Variants in OBSL1 observed in about 807,000 individuals in gnomAD.
OBSL1 encodes obscurin-like protein 1.
OBSL1 carries 160 observed loss-of-function variants against 172.0 expected under a neutral mutation model. The observed-to-expected ratio is 0.93, with a 90% CI of 0.82 to 1.06. The LOEUF (loss-of-function observed/expected upper bound fraction) is 1.06. Ranked by LOEUF, OBSL1 falls within the 50% of genes least tolerant of loss-of-function variation. The pLI is 0.00. For synonymous variants in OBSL1, 1,200 were observed against 1,196.3 expected (o/e 1.00, Z -0.06); for missense variants, 2,681 against 2,715.4 (o/e 0.99, Z 0.28).
rs1441426575 is a variant in OBSL1, at chr2:219,571,043, C to G, written c.190G>C (p.Gly64Arg). The change falls in exon 1 of 21, where the codon GGC becomes CGC. Residue 64 changes from glycine to arginine, a missense_variant. Transcript: ENST00000404537. ...ASERLSFPAD[G>R]AEHGLLLTAA... ...GTCAGCAGCAGGCCGTGCTCCGCGC[C>G]GTCCGCCGGGAAGCTCAGGCGTTCC... is the stretch of plus-strand genomic sequence containing the variant. 6.9e-7 allele frequency: 1 copy of G among 1,458,668 alleles called. No homozygotes were observed. The allele number at this position is 1,458,668 out of a possible 1,614,324, so 90.4% of individuals were successfully genotyped here.
At chr2:219,553,107 T>A in intron 16 of OBSL1, 83 bp from the exon 17 acceptor site, 1 of 1,401,534 alleles carries the variant, frequency 7.1e-7, no homozygotes, top group Non-Finnish European at 9.2e-7. Flanking sequence ...GCACCCTTTG[T>A]TGATGCCAAG....
In OBSL1 at chr2:219,558,427, G is replaced by A. The variant is rs202246881; in HGVS notation, c.3259C>T (p.Arg1087Cys). The A allele has an allele frequency of 9.0e-5, 143 of 1,592,700 alleles. No homozygotes were observed. The highest frequency in any genetic ancestry group is 6.6e-4 in the African/African-American group (49 of 74,492). ...GCCCCAAAATGCAGATCCAGGGAGCGGGCTGCCGGGTGCACAATCCTCTCT... is the reference window on the plus strand; with the variant it reads ...GCCCCAAAATGCAGATCCAGGGAGCAGGCTGCCGGGTGCACAATCCTCTCT... Reference protein sequence around the residue: ...PPERIVHPAARSLDLHFGAPG... With the variant: ...PPERIVHPAACSLDLHFGAPG... Residue 1087 changes from arginine to cysteine, a missense_variant, in exon 10 of 21, where the codon CGC becomes TGC. Physicochemically the swap from Arg to Cys is radical, Grantham distance 180. Around this residue, in one of 5 missense-constraint regions of OBSL1, gnomAD observed 1,765 missense variants for 1,748.3 expected, o/e 1.01. Transcript: ENST00000404537.
rs755252920 is a variant in OBSL1 at position 219,559,477 on chromosome 2, A to G, written c.2974T>C (p.Tyr992His). ...TVTEPPVRII[Y>H]PRDEVTLIAV... The stretch of plus-strand genomic sequence containing the variant: ...ATCAAGGTCACCTCATCGCGAGGGT[A>G]TATGATCCGCACTGGGGGTTCTGCA... The change falls in exon 9 of 21, where the codon TAC becomes CAC. Residue 992 changes from tyrosine (Y) to histidine (H), a missense_variant. By Grantham distance (83) the Tyr-to-His change is moderately conservative. Transcript: ENST00000404537. The G allele has an allele frequency of 5.3e-5, 86 of 1,613,618 alleles. No individual in the cohort carries two copies. The highest frequency in any genetic ancestry group is 7.1e-5 in the Non-Finnish European group (84 of 1,179,712).
Position 219,563,378 on chromosome 2 carries a change from G to C in OBSL1, c.2657C>G (p.Ala886Gly), listed in dbSNP as rs767175802. Reference protein sequence around the residue: ...EFQCVAGDECAYFTVTITDVS... With the variant: ...EFQCVAGDECGYFTVTITDVS... ...ACCTGTGATGGTGACAGTGAAGTAG[G>C]CACACTCATCTCCAGCGACGCACTG... is the stretch of plus-strand genomic sequence containing the variant. The change falls in exon 7 of 21, where the codon GCC (alanine) becomes GGC (glycine). Residue 886 changes from alanine (A) to glycine (G), a missense_variant. Coordinates refer to ENST00000404537, the MANE Select transcript of OBSL1 (RefSeq NM_015311.3). 1.7e-5 allele frequency: 27 copies of C among 1,592,298 alleles called. No homozygotes were observed. The highest frequency in any genetic ancestry group is 2.3e-5 in the Non-Finnish European group (27 of 1,167,302).
intron 5 of OBSL1, among the ~76,000 whole-genome samples, chr2:219,566,466 GA>G (rs1345227073): frequency 2.0e-5 from 3 of 152,190 alleles, no homozygotes; most frequent in African/African-American, 7.2e-5. Flanking sequence ...CTGGCACGTA[GA>G]AAGTTGCGAT....
rs766177183 is a variant in OBSL1, at chr2:219,562,054, G to C, written c.2953+348C>G. 8 of 711,594 alleles carry C rather than the reference G, an allele frequency of 1.1e-5. No homozygotes were observed. In the African/African-American group the frequency reaches 1.4e-4, roughly 12 times the overall value. 44.1% of individuals were successfully genotyped at this position (711,594 alleles called of 1,614,324 possible). ...ATGTGTGGAATGCGCAGGGCCCCAG[G>C]ACTACCCGTTTGCGACCCCTGGTTA... On this transcript the variant is annotated intron_variant, in intron 8 of 20. Coordinates refer to ENST00000404537, the MANE Select transcript of OBSL1 (RefSeq NM_015311.3).
rs752250016 is a variant in OBSL1 at position 219,568,900 on chromosome 2, C to T, written c.1013-576G>A. On this transcript the variant is annotated intron_variant, in intron 1 of 20. Coordinates refer to ENST00000404537, the MANE Select transcript of OBSL1 (RefSeq NM_015311.3). This position sits in a 1 kb window ranked among gnomAD's most constrained non-coding sequence, Gnocchi z 4.1. ...GAGCTGGGATTACAGGCAGGCGCCA[C>T]CACGCCTGGCTAATGATTTTGTATT... Among the ~76,000 whole-genome samples the T allele has an allele frequency of 4.0e-5, 6 of 151,848 alleles. No homozygotes were observed. The highest frequency in any genetic ancestry group is 8.8e-5 in the Non-Finnish European group (6 of 67,920).
chr2:219,558,637 A>G lies in OBSL1; in HGVS notation c.3227-178T>C, dbSNP rs556926478. Among the ~76,000 whole-genome samples the G allele has an allele frequency of 3.3e-5, 5 of 152,296 alleles. No homozygotes were observed. The South Asian group carries it at 1.0e-3, about 32-fold the overall frequency. On this transcript the variant is annotated intron_variant, in intron 9 of 20. Transcript: ENST00000404537. Reference sequence around the variant, plus strand: ...GTCCTAAGAACCCTGTGTTTTTTCAATCAGTTACTCTGACCACCCTCAAGA... The same window carrying G: ...GTCCTAAGAACCCTGTGTTTTTTCAGTCAGTTACTCTGACCACCCTCAAGA...
chr2:219,558,547 G>C (rs1696216675), intron 9 of OBSL1, 88 bp from the exon 10 acceptor site: 1 of 1,408,446 alleles, frequency 7.1e-7, no homozygotes, highest in Non-Finnish European at 9.5e-7. Flanking sequence ...CTCCCCACTG[G>C]CAGCACAGCT....
At position 219,567,298 on chromosome 2, in the gene OBSL1, C is replaced by T. The variant is rs1181202121; in HGVS notation, c.1812G>A (p.Val604=). 6.2e-7 allele frequency: 1 copy of T among 1,601,860 alleles called. No individual in the cohort carries two copies. Among genetic ancestry groups the T allele is most frequent in the Non-Finnish European group, 8.5e-7 (1 of 1,170,834 alleles). The part of the protein sequence containing the change: ...TVSGHGRSPH[V]VFHGSAHLVP... ...CAAGGTGAGCAGAACCGTGGAACAC[C>T]ACGTGGGGACTACGGCCATGTCCGC... is the stretch of plus-strand genomic sequence containing the variant. The change falls in exon 4 of 21, where the codon GTG becomes GTA. Residue 604 remains valine (V), a synonymous_variant. Coordinates refer to ENST00000404537, the MANE Select transcript of OBSL1 (RefSeq NM_015311.3).
chr2:219,551,239 T>C, intron 20 of OBSL1: 2 of 1,390,590 alleles, frequency 1.4e-6, no homozygotes, highest in South Asian at 3.4e-5. Context: ...GAAACAGGGC[T>C]GTTCAAGAGA....
At position 219,565,383 on chromosome 2, in the gene OBSL1, C is replaced by T. The variant is rs1264961721; in HGVS notation, c.2266G>A (p.Val756Met). 4 of 1,614,046 alleles carry T rather than the reference C, an allele frequency of 2.5e-6. No homozygotes were observed. ...ACCACCAGCAACTCGCTCTCCTCCA[C>T]CTTCTGCCCATCCTTGTACCAGGTT... Reference protein sequence around the residue: ...PATWYKDGQKVEESELLVVKM... With the variant: ...PATWYKDGQKMEESELLVVKM... The change falls in exon 6 of 21, where the codon GTG becomes ATG. Residue 756 changes from valine (V) to methionine (M), a missense_variant. Physicochemically the swap from Val to Met is conservative, Grantham distance 21 (BLOSUM62 1). Coordinates refer to ENST00000404537, the MANE Select transcript of OBSL1 (RefSeq NM_015311.3).
downstream of OBSL1, chr2:219,547,583 C>T (rs753064498): frequency 8.8e-6 from 13 of 1,470,642 alleles, no homozygotes; most frequent in South Asian, 1.5e-5. Context: ...CCTCTGCTAC[C>T]GAGAGCGGGT....
In OBSL1 at chr2:219,551,551, G is replaced by A; in HGVS notation, c.5661C>T (p.Thr1887=). The part of the protein sequence containing the change: ...TYCCQAGQDS[T]HTRLLVEGN ...CACCCTCTACCAGCAGCCGTGTGTG[G>A]GTGCTGTCCTGGCCGGCCTGGCAGC... The change falls in exon 20 of 21, where the codon ACC becomes ACT. Residue 1887 remains threonine (T), a synonymous_variant. Coordinates refer to ENST00000404537, the MANE Select transcript of OBSL1 (RefSeq NM_015311.3). 1 of 1,597,920 alleles carries A rather than the reference G, an allele frequency of 6.3e-7. No homozygotes were observed. The highest frequency in any genetic ancestry group is 8.5e-7 in the Non-Finnish European group (1 of 1,172,468).
intron 3 of OBSL1, 70 bp downstream of exon 3, chr2:219,567,648 C>T (rs1697011980): frequency 1.9e-6 from 3 of 1,589,142 alleles, no homozygotes; most frequent in African/African-American, 1.3e-5. Context: ...ATCTACTTCA[C>T]CAACCCAGCT....
chr2:219,559,790 AAC>A (rs1237831961), intron 8 of OBSL1, among the ~76,000 whole-genome samples: 2 of 152,140 alleles, frequency 1.3e-5, no homozygotes, highest in Admixed American at 1.3e-4. Context: ...TCTGTGGTAT[AAC>A]ACATACTACA....
chr2:219,550,475 T>G (rs1695541981), downstream of OBSL1: 1 of 264,046 alleles, frequency 3.8e-6, no homozygotes, highest in Non-Finnish European at 7.3e-6. Context: ...GGGGTTTAAA[T>G]GCACGGTGCA....
chr2:219,561,689 G>C, intron 8 of OBSL1: 1 of 591,832 alleles, frequency 1.7e-6, no homozygotes. Flanking sequence ...CTCTGCCCTT[G>C]GCCCTCACAG....
chr2:219,562,722 C>A, intron 7 of OBSL1, 48 bp from the exon 8 acceptor site: 4 of 1,504,042 alleles, frequency 2.7e-6, no homozygotes, highest in South Asian at 1.3e-5. Context: ...TGTGCCCTGC[C>A]GTCCTCCCTG....
Sources: gnomAD v4.1 joint callset for allele counts (sites outside exome capture counted in the v4.1 genomes callset) on GRCh38, gnomAD v4.1.1 for gene constraint, gnomAD v4.1.1 regional missense constraint, Gnocchi (gnomAD v3.1) non-coding constraint, MANE v1.5 for transcripts, NCBI Gene and HGNC (gene_info 2026-07-23, HGNC 2026-07-21) for gene names.